Variants in ABLIM1 observed in about 807,000 individuals in gnomAD.
The protein encoded by ABLIM1 is actin-binding LIM protein 1.
A neutral mutation model predicts 107.0 loss-of-function variants in ABLIM1; 40 were observed. That is an observed-to-expected ratio of 0.37 (90% CI 0.29 to 0.49). ABLIM1 has a LOEUF of 0.49. Ranked by LOEUF, ABLIM1 falls within the 20% of genes least tolerant of loss-of-function variation. The probability of loss-of-function intolerance (pLI) is 0.97; values close to 1 mark genes in which losing one functional copy is unlikely to be tolerated. For missense variants in ABLIM1, 857 were observed against 1,008.5 expected (o/e 0.85, Z 2.04); for synonymous variants, 357 against 357.3 (o/e 1.00, Z 0.01).
At chr10:114,450,497 G>A (rs988069357) in intron 14 of ABLIM1, among the ~76,000 whole-genome samples, 31 of 139,724 alleles carry the variant, frequency 2.2e-4, no homozygotes, top group Non-Finnish European at 4.5e-5. Context: ...GTGCAGTGGT[G>A]TGATCTCAGC....
chr10:114,546,722 T>G (rs969229276), intron 5 of ABLIM1, among the ~76,000 whole-genome samples: 1 of 152,212 alleles, frequency 6.6e-6, no homozygotes, highest in Non-Finnish European at 1.5e-5. Context: ...CTACATTCAT[T>G]AATATTTTCG....
intron 17 of ABLIM1, among the ~76,000 whole-genome samples, chr10:114,442,785 T>C (rs2060381882): frequency 6.6e-6 from 1 of 152,194 alleles, no homozygotes; most frequent in African/African-American, 2.4e-5. Flanking sequence ...TTCACTGGCA[T>C]GTTGTGAACA....
At chr10:114,491,679 G>GTCC in intron 7 of ABLIM1, 112 bp downstream of exon 7, 1 of 1,006,938 alleles carries the variant, frequency 9.9e-7, no homozygotes, top group Non-Finnish European at 1.5e-6. Context: ...TTGGATTTGG[G>GTCC]TAGCCTCACA....
At chr10:114,689,925 C>G (rs2081037809), upstream of ABLIM1, among the ~76,000 whole-genome samples, 1 of 152,116 alleles carries the variant, frequency 6.6e-6, no homozygotes, top group South Asian at 2.1e-4. Flanking sequence ...CAAAATGGGG[C>G]TAACTTTTTA....
At chr10:114,771,602 C>T (rs1337674683), upstream of ABLIM1, among the ~76,000 whole-genome samples, 1 of 152,196 alleles carries the variant, frequency 6.6e-6, no homozygotes, top group Non-Finnish European at 1.5e-5. Flanking sequence ...ACCAATTCTT[C>T]CAATCATACA....
chr10:114,566,524 G>A (rs2070765958), intron 4 of ABLIM1, among the ~76,000 whole-genome samples: 1 of 152,176 alleles, frequency 6.6e-6, no homozygotes, highest in Non-Finnish European at 1.5e-5. Context: ...TAACCTTCTT[G>A]TAAAGCATGT....
intron 1 of ABLIM1, among the ~76,000 whole-genome samples, chr10:114,746,496 CTT>C (rs1161377102): frequency 2.6e-5 from 4 of 152,170 alleles, no homozygotes; most frequent in African/African-American, 9.7e-5. Context: ...TTGATGAACA[CTT>C]AGGTTGATTC....
intron 4 of ABLIM1, among the ~76,000 whole-genome samples, chr10:114,555,349 C>T (rs763444151): frequency 5.9e-5 from 9 of 152,176 alleles, no homozygotes; most frequent in Non-Finnish European, 1.0e-4. Context: ...ATTTTACACA[C>T]CGGAAACTAA....
intron 14 of ABLIM1, among the ~76,000 whole-genome samples, chr10:114,450,375 G>A (rs1466847954): frequency 1.3e-5 from 2 of 148,960 alleles, no homozygotes; most frequent in African/African-American, 2.5e-5. Context: ...TTTTCCTTAC[G>A]CATTTTCAAT....
chr10:114,491,012 G>GTGTATGTATATATATATA, intron 7 of ABLIM1, among the ~76,000 whole-genome samples: 3 of 92,396 alleles, frequency 3.2e-5, no homozygotes, highest in African/African-American at 1.4e-4. Flanking sequence ...GTGTGTGTGT[G>GTGTATGTATATATATATA]TATATATATA....
chr10:114,477,072 G>A (rs1428527333), intron 8 of ABLIM1, among the ~76,000 whole-genome samples: 1 of 152,088 alleles, frequency 6.6e-6, no homozygotes, highest in Non-Finnish European at 1.5e-5. Flanking sequence ...AAGCCACACA[G>A]GTAGGAAAGG....
In ABLIM1 at chr10:114,526,339, A is replaced by G. The variant is rs553923146; in HGVS notation, c.894+18666T>C. On this transcript the variant is annotated intron_variant, in intron 6 of 22. Transcript: ENST00000533213. ...ACAGTCTCCTTTCAATCTTGCGGGT[A>G]GCAGCCTAAAAAAACATAAGCCTTG... Among the ~76,000 whole-genome samples, 7 of 152,340 alleles carry G rather than the reference A, an allele frequency of 4.6e-5. No homozygotes were observed. In the East Asian group the frequency reaches 1.2e-3, roughly 25 times the overall value.
chr10:114,485,435 GA>G, intron 8 of ABLIM1: 1 of 1,441,830 alleles, frequency 6.9e-7, no homozygotes, highest in South Asian at 1.3e-5. Flanking sequence ...CCTCAAATCA[GA>G]AGAATTATTT....
At chr10:114,479,989 A>G (rs2057093753) in intron 8 of ABLIM1, among the ~76,000 whole-genome samples, 2 of 152,236 alleles carry the variant, frequency 1.3e-5, no homozygotes, top group Admixed American at 6.5e-5. Flanking sequence ...CAACACATTA[A>G]CATATATCCA....
intron 4 of ABLIM1, among the ~76,000 whole-genome samples, chr10:114,568,375 T>C (rs1047336822): frequency 2.6e-5 from 4 of 152,088 alleles, no homozygotes; most frequent in African/African-American, 2.4e-5. Flanking sequence ...GTCCTGCACA[T>C]GTACCCTGGA....
At chr10:114,686,512 C>CA (rs200301126), upstream of ABLIM1, among the ~76,000 whole-genome samples, 22,611 of 135,626 alleles carry the variant, frequency 0.17, 2,170 homozygotes, top group East Asian at 0.45. Flanking sequence ...GACCCCGTCT[C>CA]AAAAAAAAAA....
chr10:114,714,630 C>T lies in ABLIM1; in HGVS notation c.-213+53431G>A, dbSNP rs183335089. 1.1e-4 allele frequency among the ~76,000 whole-genome samples: 16 copies of T among 152,276 alleles called. No homozygotes were observed. In the East Asian group the frequency reaches 2.9e-3, roughly 28 times the overall value. Reference sequence around the variant, plus strand: ...CTGTAACCGGAGCAGGCAAACTCCACAGAGGAATGCAAAATGCCGTTTGTT... The same window carrying T: ...CTGTAACCGGAGCAGGCAAACTCCATAGAGGAATGCAAAATGCCGTTTGTT... On this transcript the variant is annotated intron_variant, in intron 1 of 15. Transcript: ENST00000651092.
At chr10:114,772,984 A>G (rs2083042004), upstream of ABLIM1, among the ~76,000 whole-genome samples, 1 of 152,132 alleles carries the variant, frequency 6.6e-6, no homozygotes, top group South Asian at 2.1e-4. Flanking sequence ...AGAACCAAAG[A>G]TTTAGTGAAT....
chr10:114,532,877 G>A (rs1313044212), intron 6 of ABLIM1, among the ~76,000 whole-genome samples: 2 of 152,190 alleles, frequency 1.3e-5, no homozygotes, highest in South Asian at 2.1e-4. Context: ...TGGCTTGGGT[G>A]TAGAGACCCA....
Sources: gnomAD v4.1 joint callset for allele counts (sites outside exome capture counted in the v4.1 genomes callset) on GRCh38, gnomAD v4.1.1 for gene constraint, MANE v1.5 for transcripts, NCBI Gene and HGNC (gene_info 2026-07-23, HGNC 2026-07-21) for gene names.